ZFP2: variants seen among roughly 807,000 people sequenced by gnomAD.
The protein encoded by ZFP2 is zinc finger protein ZFP2.
A neutral mutation model predicts 36.1 loss-of-function variants in ZFP2; 33 were observed. That is an observed-to-expected ratio of 0.92 (90% CI 0.69 to 1.22). ZFP2 has a LOEUF of 1.22. Ranked by LOEUF, ZFP2 falls within the 50% of genes most tolerant of loss-of-function variation. ZFP2 has a pLI of 0.00. For missense variants in ZFP2, 522 were observed against 551.4 expected, an observed-to-expected ratio of 0.95 and a Z score of 0.53; for synonymous variants, 170 against 178.0, an observed-to-expected ratio of 0.96 and a Z score of 0.36.
chr5:178,919,741 C>T (rs1302160583), intron 4 of ZFP2, among the ~76,000 whole-genome samples: 1 of 152,168 alleles, frequency 6.6e-6, no homozygotes, highest in Non-Finnish European at 1.5e-5. Flanking sequence ...AGGTGGATCA[C>T]TTGAGGCCAG....
chr5:178,908,363 C>T (rs746333339), intron 1 of ZFP2, among the ~76,000 whole-genome samples: 10 of 151,320 alleles, frequency 6.6e-5, no homozygotes, highest in Admixed American at 2.0e-4. Context: ...AGGAGAATGG[C>T]GTGAACCTGG....
chr5:178,899,486 A>AG (rs1242573919), intron 1 of ZFP2, among the ~76,000 whole-genome samples: 2 of 152,112 alleles, frequency 1.3e-5, no homozygotes, highest in Admixed American at 1.3e-4. Flanking sequence ...GGTGGACTGA[A>AG]GGGGGCAGTG....
intron 4 of ZFP2, among the ~76,000 whole-genome samples, chr5:178,927,497 T>TG (rs1581842770): frequency 1.4e-5 from 2 of 143,326 alleles, no homozygotes; most frequent in African/African-American, 2.6e-5. Flanking sequence ...TATTTATTTT[T>TG]GGGGTTTTTT....
At chr5:178,904,407 T>C (rs1347962870) in intron 1 of ZFP2, among the ~76,000 whole-genome samples, 1 of 152,154 alleles carries the variant, frequency 6.6e-6, no homozygotes, top group Non-Finnish European at 1.5e-5. Flanking sequence ...CTGTTTTAGC[T>C]CAGCAGAGGA....
chr5:178,912,280 C>T (rs938641922), intron 1 of ZFP2, among the ~76,000 whole-genome samples: 4 of 152,198 alleles, frequency 2.6e-5, no homozygotes, highest in Non-Finnish European at 4.4e-5. Flanking sequence ...GCAGGGATTC[C>T]TTCCTTCACC....
rs570364215 is a variant in ZFP2 at position 178,909,002 on chromosome 5, G to A, written c.-449-3582G>A. 6.8e-4 allele frequency among the ~76,000 whole-genome samples: 102 copies of A among 149,828 alleles called. 4 individuals are homozygous for A. Among genetic ancestry groups the A allele is most frequent in the African/African-American group, 2.1e-3 (86 of 40,674 alleles). On this transcript the variant is annotated intron_variant, in intron 1 of 4. Coordinates refer to ENST00000361362, the MANE Select transcript of ZFP2 (RefSeq NM_030613.4). ...GGGTGGAAGGCTGCCCTGCCGCACC[G>A]TTATCTAAGCCCAGGGCGTAAAACC...
In ZFP2 at chr5:178,932,591, A is replaced by G. The variant is rs1252327956; in HGVS notation, c.1278A>G (p.Thr426=). Residue 426 remains threonine (T), a synonymous_variant, in exon 5 of 5, where the codon ACA becomes ACG. Transcript: ENST00000361362. ...GKAFIKNSSL[T]VHQRTHTGEK... ...CCTTCATTAAGAATTCATCCCTTAC[A>G]GTGCATCAGAGAACTCATACAGGAG... The G allele has an allele frequency of 6.2e-7, 1 of 1,614,108 alleles. No individual in the cohort carries two copies. The highest frequency in any genetic ancestry group is 1.7e-5 in the Admixed American group (1 of 60,018).
At chr5:178,924,672 T>G (rs894700102) in intron 4 of ZFP2, among the ~76,000 whole-genome samples, 2 of 148,080 alleles carry the variant, frequency 1.4e-5, no homozygotes, top group African/African-American at 4.9e-5. Flanking sequence ...AAACCCCATC[T>G]CTACTAAAAA....
intron 1 of ZFP2, among the ~76,000 whole-genome samples, chr5:178,897,946 T>C (rs1433773843): frequency 1.3e-5 from 2 of 152,232 alleles, no homozygotes; most frequent in East Asian, 1.9e-4. Flanking sequence ...AAAAAAGTCT[T>C]AGTTGTTGTA....
intron 4 of ZFP2, among the ~76,000 whole-genome samples, chr5:178,929,942 T>TG (rs66712212): frequency 0.099 from 12,940 of 130,856 alleles, 1,152 homozygotes; most frequent in Admixed American, 0.17. Context: ...TGCTTGACGG[T>TG]GGGGGGGGGG....
At chr5:178,922,074 C>G (rs547047849) in intron 4 of ZFP2, 2 of 944,952 alleles carry the variant, frequency 2.1e-6, no homozygotes, top group South Asian at 2.7e-5. Flanking sequence ...ATGAAAGATA[C>G]CGATATCAAG....
At chr5:178,896,404 C>T (rs1275732391) in intron 1 of ZFP2, among the ~76,000 whole-genome samples, 1 of 152,170 alleles carries the variant, frequency 6.6e-6, no homozygotes, top group African/African-American at 2.4e-5. Context: ...ACGCTGCGAC[C>T]GTGGAGCGAA....
intron 4 of ZFP2, among the ~76,000 whole-genome samples, chr5:178,920,709 T>C (rs913702567): frequency 6.6e-6 from 1 of 152,242 alleles, no homozygotes; most frequent in African/African-American, 2.4e-5. Context: ...GCTCATTTTC[T>C]TTGCTGAGAT....
intron 4 of ZFP2, among the ~76,000 whole-genome samples, chr5:178,924,561 C>T (rs1344461267): frequency 6.7e-6 from 1 of 148,344 alleles, no homozygotes; most frequent in African/African-American, 2.4e-5. Context: ...GAAAGCAGGC[C>T]AGGCACAGGG....
At chr5:178,913,093 CTTG>C (rs1758330875) in intron 3 of ZFP2, 22 bp downstream of exon 3, 1 of 981,314 alleles carries the variant, frequency 1.0e-6, no homozygotes, top group Non-Finnish European at 1.2e-6. Flanking sequence ...GCTGTGCAGA[CTTG>C]TTAAATGAGT....
chr5:178,932,851 C>A lies in ZFP2; in HGVS notation c.*152C>A. 1.0e-6 allele frequency: 1 copy of A among 986,526 alleles called. No individual in the cohort carries two copies. The highest frequency in any genetic ancestry group is 1.4e-6 in the Non-Finnish European group (1 of 702,160). The allele number at this position is 986,526 out of a possible 1,614,324, so 61.1% of individuals were successfully genotyped here. A position where few individuals can be genotyped will look rare whatever the true frequency, so the allele number is the denominator to read the frequency against. On this transcript the variant is annotated 3_prime_UTR_variant, in exon 5 of 5. Transcript: ENST00000361362. ...ATCAGATAATACCACTGCAGAGAAT[C>A]CATCTAAAAGTAGAGAAATCTTGAT...
At chr5:178,925,128 C>CTAT (rs1758641782) in intron 4 of ZFP2, among the ~76,000 whole-genome samples, 2 of 66,692 alleles carry the variant, frequency 3.0e-5, no homozygotes, top group African/African-American at 9.8e-5. Context: ...TATATATATA[C>CTAT]ACACACACAC....
chr5:178,917,008 G>GA (rs554882513), intron 4 of ZFP2, among the ~76,000 whole-genome samples: 420 of 152,270 alleles, frequency 2.8e-3, no homozygotes, highest in African/African-American at 9.7e-3. Flanking sequence ...AAGATGAATA[G>GA]AAACTGCAAA....
chr5:178,912,981 G>T lies in ZFP2; in HGVS notation c.-313-1G>T. Reference sequence around the variant, plus strand: ...AATTTAATGTCTCTCCTCTTAAGCAGGAAATCACCTTTCCAAACCCAATGG... The same window carrying T: ...AATTTAATGTCTCTCCTCTTAAGCATGAAATCACCTTTCCAAACCCAATGG... On this transcript the variant is annotated splice_acceptor_variant, in intron 2 of 4. Coordinates refer to ENST00000361362, the MANE Select transcript of ZFP2 (RefSeq NM_030613.4). LOFTEE classifies it low-confidence loss of function (5UTR_SPLICE). 1.0e-6 allele frequency: 1 copy of T among 985,826 alleles called. No homozygotes were observed. Among genetic ancestry groups the T allele is most frequent in the Non-Finnish European group, 1.2e-6 (1 of 829,914 alleles). The allele number at this position is 985,826 out of a possible 1,614,324, so 61.1% of individuals were successfully genotyped here.
Sources: gnomAD v4.1 joint callset for allele counts (sites outside exome capture counted in the v4.1 genomes callset) on GRCh38, gnomAD v4.1.1 for gene constraint, MANE v1.5 for transcripts, NCBI Gene and HGNC (gene_info 2026-07-23, HGNC 2026-07-21) for gene names.